The following ZFP62 variants were observed in gnomAD, a reference collection of about 807,000 sequenced individuals.
ZFP62 encodes the protein zinc finger protein 62 homolog.
Under a neutral mutation model 56.4 loss-of-function variants are expected in ZFP62, and 44 were observed. That is an observed-to-expected ratio of 0.78 (90% CI 0.61 to 1.00). The LOEUF is 1.00. Among genes scored for constraint, ZFP62 ranks in the 50% least tolerant of loss-of-function variants. The pLI is 0.00. For synonymous variants in ZFP62, 421 were observed against 388.9 expected (o/e 1.08, Z -0.97); for missense variants, 1,030 against 1,085.7 (o/e 0.95, Z 0.72).
chr5:180,833,982 T>C, the ZFP62 span, among the ~76,000 whole-genome samples: 1 of 152,278 alleles, frequency 6.6e-6, no homozygotes, highest in Non-Finnish European at 1.5e-5. Context: ...ATGGTATTTG[T>C]TATAGCAACC....
the ZFP62 span, among the ~76,000 whole-genome samples, chr5:180,840,048 ATGTC>A: frequency 6.6e-6 from 1 of 151,222 alleles, no homozygotes; most frequent in African/African-American, 2.5e-5. Context: ...TAAAGAAAGA[ATGTC>A]AGGAAGGCCA....
the ZFP62 span, among the ~76,000 whole-genome samples, chr5:180,841,303 A>G: frequency 9.9e-6 from 1 of 100,944 alleles, no homozygotes; most frequent in Admixed American, 1.3e-4. Flanking sequence ...ACATACACAT[A>G]TATATATACA....
At chr5:180,839,723 C>G in the ZFP62 span, among the ~76,000 whole-genome samples, 1 of 152,078 alleles carries the variant, frequency 6.6e-6, no homozygotes. Context: ...CACAGTTTAC[C>G]TACATAACAA....
At chr5:180,837,201 GACC>G in the ZFP62 span, among the ~76,000 whole-genome samples, 1 of 152,214 alleles carries the variant, frequency 6.6e-6, no homozygotes, top group African/African-American at 2.4e-5. Context: ...CATGAAACGA[GACC>G]ACCGTGTGGC....
At position 180,851,309 on chromosome 5, in the gene ZFP62, C is replaced by T. The variant is rs1199405078; in HGVS notation, c.186G>A (p.Lys62=). 3 of 1,551,660 alleles carry T rather than the reference C, an allele frequency of 1.9e-6. No individual in the cohort carries two copies. The highest frequency in any genetic ancestry group is 2.6e-6 in the Non-Finnish European group (3 of 1,146,984). ...QQKKPVENRM[K]EDKSSIREAI... ...CTTCCCTGATGCTGCTTTTGTCCTC[C>T]TTCATCCTGTTTTCCACAGGCTTTT... Residue 62 remains lysine, a synonymous_variant, in exon 2 of 2, where the codon AAG becomes AAA. Transcript: ENST00000502412.
At chr5:180,858,949 C>T (rs372354990) in intron 1 of ZFP62, among the ~76,000 whole-genome samples, 12 of 152,332 alleles carry the variant, frequency 7.9e-5, no homozygotes, top group African/African-American at 2.6e-4. Context: ...AAACTACATA[C>T]GACCAACAAC....
the ZFP62 span, chr5:180,832,585 C>G: frequency 6.6e-6 from 1 of 152,158 alleles, no homozygotes; most frequent in Non-Finnish European, 1.5e-5. Context: ...TCAAAAGCTA[C>G]CTATTGGTGT....
chr5:180,832,157 A>C, the ZFP62 span, among the ~76,000 whole-genome samples: 1 of 151,898 alleles, frequency 6.6e-6, no homozygotes, highest in Admixed American at 6.6e-5. Context: ...TTCACTTCTA[A>C]TTTCTTTTTT....
intron 1 of ZFP62, among the ~76,000 whole-genome samples, chr5:180,852,808 GAACA>G (rs1773782500): frequency 6.6e-6 from 1 of 152,174 alleles, no homozygotes; most frequent in East Asian, 1.9e-4. Flanking sequence ...GTAAAAAGAT[GAACA>G]AACAATTCTT....
Position 180,857,101 on chromosome 5 carries a change from G to C in ZFP62, c.1+4118C>G, listed in dbSNP as rs147638820. ...TGGTGTTCACCCCCCGAAGACATCTGGGGCAGGCAAAGGGAAAATCAGACA... is the reference window on the plus strand; with the variant it reads ...TGGTGTTCACCCCCCGAAGACATCTCGGGCAGGCAAAGGGAAAATCAGACA... On this transcript the variant is annotated intron_variant, in intron 1 of 1. Coordinates refer to ENST00000502412, the MANE Select transcript of ZFP62 (RefSeq NM_001172638.2). Among the ~76,000 whole-genome samples, 252 of 152,290 alleles carry C rather than the reference G, an allele frequency of 1.7e-3. 1 individual carries two copies. Among genetic ancestry groups the C allele is most frequent in the African/African-American group, 5.8e-3 (243 of 41,544 alleles).
At chr5:180,832,190 C>T in the ZFP62 span, among the ~76,000 whole-genome samples, 1 of 152,196 alleles carries the variant, frequency 6.6e-6, no homozygotes, top group Admixed American at 6.5e-5. Context: ...TCTGTTCTGT[C>T]ACCCAGGCTG....
the ZFP62 span, among the ~76,000 whole-genome samples, chr5:180,828,325 G>A: frequency 6.6e-6 from 1 of 152,080 alleles, no homozygotes; most frequent in Non-Finnish European, 1.5e-5. Context: ...TAGCTCTTTG[G>A]AGGTGACTCA....
At chr5:180,851,529 C>G (rs1051825930) in intron 1 of ZFP62, 36 bp from the exon 2 acceptor site, 9 of 1,473,168 alleles carry the variant, frequency 6.1e-6, no homozygotes, top group Non-Finnish European at 8.1e-6. Context: ...CCTATTCACT[C>G]TCTTAAAAAA....
Position 180,849,194 on chromosome 5 carries a change from C to T in ZFP62, c.2301G>A (p.Arg767=). The change falls in exon 2 of 2, where the codon AGG becomes AGA. Residue 767 remains arginine, a synonymous_variant. Coordinates refer to ENST00000502412, the MANE Select transcript of ZFP62 (RefSeq NM_001172638.2). ...TATGCACTGTGAGGCCTGAGCTGTT[C>T]CTGAAGGCCTTCCCACACCTATCAC... ...YVCDRCGKAF[R]NSSGLTVHKR... The T allele has an allele frequency of 6.4e-7, 1 of 1,560,468 alleles. No homozygotes were observed. The highest frequency in any genetic ancestry group is 8.7e-7 in the Non-Finnish European group (1 of 1,152,620).
downstream of ZFP62, among the ~76,000 whole-genome samples, chr5:180,844,119 T>G (rs1773365205): frequency 6.6e-6 from 1 of 152,238 alleles, no homozygotes; most frequent in African/African-American, 2.4e-5. Flanking sequence ...TTTGTTGTTC[T>G]TTGTTGTGTT....
chr5:180,859,661 A>C (rs572074189), intron 1 of ZFP62, among the ~76,000 whole-genome samples: 3 of 152,328 alleles, frequency 2.0e-5, no homozygotes, highest in African/African-American at 7.2e-5. Context: ...GATTTTCTGA[A>C]TCAAACCCGG....
chr5:180,846,612 A>C (rs1773418572), downstream of ZFP62, among the ~76,000 whole-genome samples: 1 of 24,768 alleles, frequency 4.0e-5, no homozygotes. Context: ...CCTAGTTCCT[A>C]CTCCTCTCAG....
At chr5:180,845,632 A>G, downstream of ZFP62, 1 of 816,520 alleles carries the variant, frequency 1.2e-6, no homozygotes, top group Non-Finnish European at 1.5e-6. Flanking sequence ...CTAGGCCTTT[A>G]GCTGAAGCTG....
At chr5:180,858,273 A>AAAG (rs1554137820) in intron 1 of ZFP62, among the ~76,000 whole-genome samples, 18 of 125,826 alleles carry the variant, frequency 1.4e-4, no homozygotes, top group Non-Finnish European at 2.6e-4. Flanking sequence ...AAAAAAAAAA[A>AAAG]AAAAAGAAAA....
Sources: gnomAD v4.1 joint callset for allele counts (sites outside exome capture counted in the v4.1 genomes callset) on GRCh38, gnomAD v4.1.1 for gene constraint, MANE v1.5 for transcripts, NCBI Gene and HGNC (gene_info 2026-07-23, HGNC 2026-07-21) for gene names.